CLSTN2: variants seen among roughly 807,000 people sequenced by gnomAD.
CLSTN2 encodes calsyntenin 2.
Under a neutral mutation model 101.2 loss-of-function variants are expected in CLSTN2, and 48 were observed. The observed-to-expected ratio is 0.47, with a 90% CI of 0.38 to 0.60. The LOEUF is 0.60. Ranked by LOEUF, CLSTN2 falls within the 20% of genes least tolerant of loss-of-function variation. CLSTN2 has a pLI of 0.00. For synonymous variants in CLSTN2, 481 were observed against 463.6 expected (o/e 1.04, Z -0.48); for missense variants, 1,160 against 1,238.2 (o/e 0.94, Z 0.95).
chr3:140,344,418 G>A (rs996618044), intron 2 of CLSTN2, among the ~76,000 whole-genome samples: 23 of 152,278 alleles, frequency 1.5e-4, no homozygotes, highest in Non-Finnish European at 2.4e-4. Context: ...CCAACATCAC[G>A]TTGCATGCCA....
chr3:140,215,337 C>T (rs952558863), intron 2 of CLSTN2, among the ~76,000 whole-genome samples: 11 of 152,192 alleles, frequency 7.2e-5, no homozygotes, highest in African/African-American at 2.4e-4. Context: ...ATATGGCAGG[C>T]TCATTCTTTG....
chr3:140,075,857 G>A (rs17340914), intron 1 of CLSTN2, among the ~76,000 whole-genome samples: 3,246 of 152,134 alleles, frequency 0.021, 57 homozygotes, highest in Non-Finnish European at 0.034. Context: ...TCATGTCTCA[G>A]GTGGGCACCA....
rs756093725 is a variant in CLSTN2 at position 140,546,523 on chromosome 3, G to C, written c.1516G>C (p.Val506Leu). ...TVGACWQGGE[V>L]TKPQFAQFFH... The stretch of plus-strand genomic sequence containing the variant: ...GGTGTTTGTTTTTTCAGGAGGAGAA[G>C]TCACCAAACCACAGTTTGCTCAGTT... The change falls in exon 10 of 17, where the codon GTC becomes CTC. Residue 506 changes from valine to leucine, a missense_variant. Transcript: ENST00000458420. The C allele has an allele frequency of 9.9e-6, 16 of 1,613,830 alleles. No homozygotes were observed. Among genetic ancestry groups the C allele is most frequent in the Non-Finnish European group, 3.4e-6 (4 of 1,179,840 alleles).
At chr3:140,380,622 C>T (rs930373644) in intron 2 of CLSTN2, among the ~76,000 whole-genome samples, 3 of 152,170 alleles carry the variant, frequency 2.0e-5, no homozygotes, top group Admixed American at 6.5e-5. Flanking sequence ...CTTACTGATC[C>T]TATTTCCTAC....
At chr3:139,963,588 C>T (rs1935545377) in intron 1 of CLSTN2, among the ~76,000 whole-genome samples, 1 of 152,172 alleles carries the variant, frequency 6.6e-6, no homozygotes, top group Non-Finnish European at 1.5e-5. Flanking sequence ...ACTAGTCTTT[C>T]CAAATTCTGC....
At chr3:140,412,680 A>T (rs934125043) in intron 4 of CLSTN2, among the ~76,000 whole-genome samples, 16 of 150,438 alleles carry the variant, frequency 1.1e-4, no homozygotes, top group African/African-American at 3.6e-4. Context: ...TTAAGATTTA[A>T]ATCATATAAA....
At chr3:140,268,387 T>G (rs1451447702) in intron 2 of CLSTN2, among the ~76,000 whole-genome samples, 2 of 152,176 alleles carry the variant, frequency 1.3e-5, no homozygotes, top group African/African-American at 4.8e-5. Context: ...AGCTCAGTCT[T>G]TCCTCTGAGG....
intron 1 of CLSTN2, among the ~76,000 whole-genome samples, chr3:140,027,941 A>G (rs1473622574): frequency 6.6e-6 from 1 of 152,178 alleles, no homozygotes; most frequent in South Asian, 2.1e-4. Context: ...GGGGCCACTT[A>G]CTTGCCCTCT....
chr3:140,291,205 C>G (rs555118633), intron 2 of CLSTN2, among the ~76,000 whole-genome samples: 1 of 152,112 alleles, frequency 6.6e-6, no homozygotes, highest in Non-Finnish European at 1.5e-5. Context: ...GAGCCTGGCC[C>G]GAGATGAGCT....
intron 1 of CLSTN2, among the ~76,000 whole-genome samples, chr3:139,973,827 A>T (rs1304292749): frequency 6.6e-6 from 1 of 151,998 alleles, no homozygotes; most frequent in Non-Finnish European, 1.5e-5. Context: ...ATTTGTAGAG[A>T]TGGGGTCTCT....
Position 140,448,536 on chromosome 3 carries a change from G to T in CLSTN2, c.805G>T (p.Glu269Ter). 1 of 1,613,918 alleles carries T rather than the reference G, an allele frequency of 6.2e-7. No homozygotes were observed. The highest frequency in any genetic ancestry group is 1.1e-5 in the South Asian group (1 of 91,056). ...PGWQDWTKRI[E>*]YQPGSGSMPL... The stretch of plus-strand genomic sequence containing the variant: ...TTGTTTAGACTGGACCAAGAGGATT[G>T]AGTACCAGCCTGGCTCCGGGAGCAT... The change falls in exon 6 of 17, where the codon GAG becomes TAG. Residue 269 changes from glutamate (E) to a stop codon, truncating the protein, a stop_gained. Coordinates refer to ENST00000458420, the MANE Select transcript of CLSTN2 (RefSeq NM_022131.3). LOFTEE classifies it high-confidence loss of function.
At chr3:139,992,444 C>T (rs1294608718) in intron 1 of CLSTN2, among the ~76,000 whole-genome samples, 2 of 152,156 alleles carry the variant, frequency 1.3e-5, no homozygotes, top group African/African-American at 2.4e-5. Flanking sequence ...AGCTCAGAAT[C>T]TGCCTGTGCA....
chr3:140,499,459 G>T (rs1934527925), intron 8 of CLSTN2, among the ~76,000 whole-genome samples: 1 of 152,352 alleles, frequency 6.6e-6, no homozygotes, highest in East Asian at 1.9e-4. Flanking sequence ...GACATGGGAG[G>T]ATGCCTTTGG....
rs200923291 is a variant in CLSTN2, at chr3:140,205,618, G to GCC, written c.232+29550_232+29551dup. Among the ~76,000 whole-genome samples, 21 of 67,214 alleles carry GCC rather than the reference G, an allele frequency of 3.1e-4. 3 individuals carry two copies. Among genetic ancestry groups the GCC allele is most frequent in the East Asian group, 5.2e-4 (2 of 3,840 alleles). The allele number at this position is 67,214 out of a possible 152,430, so 44.1% of individuals were successfully genotyped here. On this transcript the variant is annotated intron_variant, in intron 2 of 16. Transcript: ENST00000458420. ...TACAGTTGTTGTTTGGACCTGACCCGCCCCCCACCCACACACACACACAGC... is the reference window on the plus strand; with the variant it reads ...TACAGTTGTTGTTTGGACCTGACCCGCCCCCCCCACCCACACACACACACAGC...
At chr3:140,527,176 T>C (rs1354987965) in intron 8 of CLSTN2, among the ~76,000 whole-genome samples, 1 of 152,056 alleles carries the variant, frequency 6.6e-6, no homozygotes, top group Non-Finnish European at 1.5e-5. Flanking sequence ...ATTAATAAAC[T>C]CTGCATGTAA....
intron 1 of CLSTN2, among the ~76,000 whole-genome samples, chr3:139,947,857 T>C (rs1461382461): frequency 1.3e-5 from 2 of 151,968 alleles, no homozygotes. Flanking sequence ...CATTTTTTTT[T>C]TCCTTTTTTA....
intron 2 of CLSTN2, among the ~76,000 whole-genome samples, chr3:140,396,572 C>T (rs917767781): frequency 6.6e-6 from 1 of 152,218 alleles, no homozygotes; most frequent in African/African-American, 2.4e-5. Context: ...TACCATCCCA[C>T]TTACAGATGA....
At position 140,567,562 on chromosome 3, in the gene CLSTN2, C is replaced by T. The variant is rs2107796999; in HGVS notation, c.*1309C>T. 1 of 152,280 alleles carries T rather than the reference C, an allele frequency of 6.6e-6. No individual in the cohort carries two copies. The highest frequency in any genetic ancestry group is 3.4e-3 in the Middle Eastern group (1 of 294). The allele number at this position is 152,280 out of a possible 1,614,324, so 9.4% of individuals were successfully genotyped here. ...GCACAACCTGTGAAGAGAATTGTTT[C>T]TATAGTAACTGGTCTGTGATCTTTT... On this transcript the variant is annotated 3_prime_UTR_variant, in exon 17 of 17. Transcript: ENST00000458420.
intron 6 of CLSTN2, among the ~76,000 whole-genome samples, chr3:140,456,389 G>A (rs2878327): frequency 0.26 from 39,271 of 152,038 alleles, 5,709 homozygotes; most frequent in East Asian, 0.46. Context: ...TATTCACCGC[G>A]CAGATGAGTA....
Sources: allele counts gnomAD v4.1 joint callset (sites outside exome capture counted in the v4.1 genomes callset), GRCh38; gene constraint gnomAD v4.1.1; transcripts MANE v1.5; gene names NCBI Gene and HGNC (gene_info 2026-07-23, HGNC 2026-07-21).